The following TTC27 variants were observed in gnomAD, a reference collection of about 807,000 sequenced individuals.
The protein encoded by TTC27 is tetratricopeptide repeat protein 27.
TTC27 carries 79 observed loss-of-function variants against 115.9 expected under a neutral mutation model. The ratio of observed to expected loss-of-function variants is 0.68; its 90% CI spans 0.57 to 0.82. The LOEUF (loss-of-function observed/expected upper bound fraction) is 0.82, where lower values mean the gene tolerates loss of function less well. Ranked by LOEUF, TTC27 falls within the 40% of genes least tolerant of loss-of-function variation. The pLI is 0.00. For missense variants in TTC27, 1,054 were observed against 993.1 expected (o/e 1.06, Z -0.82); for synonymous variants, 401 against 356.0 (o/e 1.13, Z -1.42).
chr2:32,752,533 C>T (rs566581146), intron 12 of TTC27, among the ~76,000 whole-genome samples: 19 of 152,202 alleles, frequency 1.2e-4, no homozygotes, highest in African/African-American at 4.3e-4. Context: ...TAATTCAGCC[C>T]GATTTAAATT....
intron 9 of TTC27, among the ~76,000 whole-genome samples, chr2:32,682,847 GT>G (rs70938360): frequency 1.6e-3 from 80 of 49,784 alleles, no homozygotes; most frequent in African/African-American, 7.0e-3. Context: ...TTTTATTGTT[GT>G]TTTTTTTTTT....
intron 2 of TTC27, 21 bp from the exon 3 acceptor site, chr2:32,633,855 T>C (rs1489026120): frequency 6.2e-7 from 1 of 1,609,646 alleles, no homozygotes; most frequent in African/African-American, 1.3e-5. Flanking sequence ...TATTTATTTC[T>C]TTAACCATTC....
At chr2:32,648,658 C>A (rs994738118) in intron 4 of TTC27, among the ~76,000 whole-genome samples, 2 of 151,668 alleles carry the variant, frequency 1.3e-5, no homozygotes, top group African/African-American at 4.8e-5. Flanking sequence ...AAAGCATCAG[C>A]GAATAAAAGA....
chr2:32,758,551 A>G, intron 13 of TTC27, 32 bp downstream of exon 13: 1 of 1,592,906 alleles, frequency 6.3e-7, no homozygotes, highest in Non-Finnish European at 8.6e-7. Flanking sequence ...TGCTGCTCTC[A>G]GCGCTTGTGC....
chr2:32,649,464 G>A (rs1339353560), intron 4 of TTC27, among the ~76,000 whole-genome samples: 1 of 152,128 alleles, frequency 6.6e-6, no homozygotes. Context: ...ACCCCCACAG[G>A]GGGTTCTTGT....
chr2:32,804,556 G>C (rs758784633), intron 16 of TTC27, among the ~76,000 whole-genome samples: 6 of 152,072 alleles, frequency 3.9e-5, no homozygotes, highest in Non-Finnish European at 8.8e-5. Context: ...TAAAGGGTAT[G>C]TGGAAAACAT....
intron 9 of TTC27, among the ~76,000 whole-genome samples, chr2:32,689,009 C>T (rs549320759): frequency 1.3e-5 from 2 of 152,116 alleles, no homozygotes; most frequent in African/African-American, 4.8e-5. Flanking sequence ...GTATCCCTCT[C>T]ATGAAATAAT....
At chr2:32,643,877 A>C (rs1664747450) in intron 4 of TTC27, among the ~76,000 whole-genome samples, 1 of 151,874 alleles carries the variant, frequency 6.6e-6, no homozygotes, top group Non-Finnish European at 1.5e-5. Context: ...TCTAGTAAAA[A>C]TACAAAAATT....
intron 1 of TTC27, among the ~76,000 whole-genome samples, chr2:32,629,721 G>A (rs1664096140): frequency 6.6e-6 from 1 of 152,308 alleles, no homozygotes; most frequent in Non-Finnish European, 1.5e-5. Flanking sequence ...TTACAGGCAT[G>A]AGCCACCGCG....
intron 16 of TTC27, among the ~76,000 whole-genome samples, chr2:32,795,602 G>A (rs1236769382): frequency 6.6e-6 from 1 of 150,512 alleles, no homozygotes; most frequent in African/African-American, 2.4e-5. Flanking sequence ...GCCCAGGCTG[G>A]AGTGCAGTGG....
chr2:32,749,500 T>A (rs950686459), intron 12 of TTC27, among the ~76,000 whole-genome samples: 1 of 152,228 alleles, frequency 6.6e-6, no homozygotes, highest in Non-Finnish European at 1.5e-5. Context: ...GATTTAGCAT[T>A]TCTCTTGAAT....
At chr2:32,817,400 C>T in intron 18 of TTC27, 57 bp from the exon 19 acceptor site, 1 of 1,414,414 alleles carries the variant, frequency 7.1e-7, no homozygotes, top group South Asian at 1.2e-5. Context: ...GCTTTTGTAC[C>T]TGTGAATTAT....
At chr2:32,678,199 G>T (rs1438535261) in intron 8 of TTC27, among the ~76,000 whole-genome samples, 1 of 147,648 alleles carries the variant, frequency 6.8e-6, no homozygotes, top group Non-Finnish European at 1.5e-5. Context: ...AGGTTGCAAT[G>T]AGCCAAGTGT....
chr2:32,806,563 G>A (rs911134299), intron 16 of TTC27, among the ~76,000 whole-genome samples: 1 of 152,002 alleles, frequency 6.6e-6, no homozygotes, highest in Non-Finnish European at 1.5e-5. Flanking sequence ...GGCAGATCAC[G>A]AGGTCAGGAG....
chr2:32,646,468 C>T (rs996904091), intron 4 of TTC27, among the ~76,000 whole-genome samples: 1 of 151,930 alleles, frequency 6.6e-6, no homozygotes, highest in African/African-American at 2.4e-5. Context: ...CTGTGCCAGC[C>T]CTCTATTTTT....
chr2:32,664,270 A>AT (rs761024520), intron 5 of TTC27, 33 bp from the exon 6 acceptor site: 5 of 1,564,660 alleles, frequency 3.2e-6, no homozygotes, highest in Non-Finnish European at 4.3e-6. Flanking sequence ...TCTTCTCATC[A>AT]TAACTTTTAA....
intron 9 of TTC27, among the ~76,000 whole-genome samples, chr2:32,685,667 C>T (rs1236329140): frequency 1.3e-5 from 2 of 152,190 alleles, no homozygotes; most frequent in East Asian, 1.9e-4. Flanking sequence ...AAGCCTTTGA[C>T]AAAATTCAAC....
At chr2:32,717,318 G>A (rs1667787567) in intron 10 of TTC27, among the ~76,000 whole-genome samples, 1 of 152,086 alleles carries the variant, frequency 6.6e-6, no homozygotes, top group African/African-American at 2.4e-5. Context: ...TTACAGCATT[G>A]TAATGATGAT....
chr2:32,710,841 C>T (rs982389332), intron 10 of TTC27, among the ~76,000 whole-genome samples: 2 of 151,812 alleles, frequency 1.3e-5, no homozygotes, highest in Non-Finnish European at 2.9e-5. Flanking sequence ...AGGCTGGGAG[C>T]AGTTGCTCAC....
Sources: allele counts gnomAD v4.1 joint callset (sites outside exome capture counted in the v4.1 genomes callset), GRCh38; gene constraint gnomAD v4.1.1; transcripts MANE v1.5; gene names NCBI Gene and HGNC (gene_info 2026-07-23, HGNC 2026-07-21).